CTNND2: variants seen among roughly 807,000 people sequenced by gnomAD.
The protein encoded by CTNND2 is catenin delta-2.
CTNND2 carries 22 observed loss-of-function variants against 144.4 expected under a neutral mutation model. The observed-to-expected ratio is 0.15, with a 90% CI of 0.11 to 0.22. The LOEUF is 0.22. Among genes scored for constraint, CTNND2 ranks in the 10% least tolerant of loss-of-function variants. CTNND2 has a pLI of 1.00. For synonymous variants in CTNND2, 751 were observed against 695.6 expected, an observed-to-expected ratio of 1.08 and a Z score of -1.25; for missense variants, 1,353 against 1,618.8, an observed-to-expected ratio of 0.84 and a Z score of 2.82.
At chr5:11,618,077 AC>A (rs1780662369) in intron 2 of CTNND2, among the ~76,000 whole-genome samples, 1 of 149,806 alleles carries the variant, frequency 6.7e-6, no homozygotes, top group East Asian at 2.0e-4. Context: ...CCTCTACCTA[AC>A]CCTATCAGGC....
intron 1 of CTNND2, among the ~76,000 whole-genome samples, chr5:11,796,881 T>C (rs1007144351): frequency 2.0e-5 from 3 of 152,238 alleles, no homozygotes; most frequent in African/African-American, 7.2e-5. Context: ...GTACTACTTC[T>C]GGTGATAAAA....
chr5:11,823,386 C>T (rs745558741), intron 1 of CTNND2, among the ~76,000 whole-genome samples: 2 of 152,116 alleles, frequency 1.3e-5, no homozygotes, highest in Non-Finnish European at 2.9e-5. Context: ...CAAATTTGTA[C>T]TCAAATATTT....
chr5:11,457,131 G>A (rs1581237288), intron 3 of CTNND2, among the ~76,000 whole-genome samples: 1 of 152,092 alleles, frequency 6.6e-6, no homozygotes, highest in African/African-American at 2.4e-5. Context: ...GTGAGGTGAG[G>A]TGGCTCACGT....
At chr5:11,697,173 G>A (rs1260677321) in intron 2 of CTNND2, among the ~76,000 whole-genome samples, 2 of 152,144 alleles carry the variant, frequency 1.3e-5, no homozygotes, top group African/African-American at 4.8e-5. Context: ...GGTAGATTTT[G>A]GTGTCAGAAT....
At chr5:11,532,899 G>A (rs922633277) in intron 3 of CTNND2, among the ~76,000 whole-genome samples, 2 of 152,214 alleles carry the variant, frequency 1.3e-5, no homozygotes, top group African/African-American at 2.4e-5. Context: ...AAAGAAGGAG[G>A]GAGGTGGGAA....
In CTNND2 at chr5:11,196,425, T is replaced by A. The variant is rs115739798; in HGVS notation, c.1975+3023A>T. 5.2e-3 allele frequency among the ~76,000 whole-genome samples: 792 copies of A among 152,310 alleles called. 10 individuals carry two copies. The highest frequency in any genetic ancestry group is 0.018 in the African/African-American group (745 of 41,560). On this transcript the variant is annotated intron_variant, in intron 11 of 21. Coordinates refer to ENST00000304623, the MANE Select transcript of CTNND2 (RefSeq NM_001332.4). The stretch of plus-strand genomic sequence containing the variant: ...AGGTAGGAAAGTGATCAGAAAAAAC[T>A]CCCCTGTACTGGTGGGGCTCCTGTA...
chr5:11,385,931 A>G (rs1759043979), intron 6 of CTNND2: 1 of 152,116 alleles, frequency 6.6e-6, no homozygotes, highest in Non-Finnish European at 1.5e-5. Context: ...TCCCTTTTCT[A>G]GATTTTAATA....
intron 1 of CTNND2, among the ~76,000 whole-genome samples, chr5:11,792,342 T>C (rs1791180361): frequency 6.6e-6 from 1 of 152,176 alleles, no homozygotes; most frequent in Non-Finnish European, 1.5e-5. Flanking sequence ...AATGTGTACA[T>C]GCCACAAAAA....
chr5:11,490,049 G>T (rs186395832), intron 3 of CTNND2, among the ~76,000 whole-genome samples: 138 of 152,268 alleles, frequency 9.1e-4, no homozygotes, highest in African/African-American at 3.2e-3. Context: ...CTGATAGGTG[G>T]TGCAGGCAAA....
intron 3 of CTNND2, among the ~76,000 whole-genome samples, chr5:11,560,310 A>G (rs1485206246): frequency 2.0e-5 from 3 of 152,146 alleles, no homozygotes; most frequent in African/African-American, 7.2e-5. Flanking sequence ...TGTTGGTCAC[A>G]CTCCTCATAA....
chr5:11,508,374 G>A (rs932880808), intron 3 of CTNND2: 10 of 152,260 alleles, frequency 6.6e-5, no homozygotes, highest in African/African-American at 2.4e-4. Flanking sequence ...CAATTGCCAT[G>A]TTCCCGAGAC....
chr5:11,524,671 C>CCAT lies in CTNND2; in HGVS notation c.287+40270_287+40272dup, dbSNP rs1773057582. On this transcript the variant is annotated intron_variant, in intron 3 of 21. Transcript: ENST00000304623. ...TCCAGGAGTTCCTGTCTAAAAGAGC[C>CCAT]CATCTCTCCTTGTTTTAACAAAGTA... 2.6e-5 allele frequency among the ~76,000 whole-genome samples: 4 copies of CCAT among 152,252 alleles called. No homozygotes were observed. In the South Asian group the frequency reaches 8.3e-4, roughly 32 times the overall value.
rs1357128790 is a variant in CTNND2, at chr5:11,073,803, A to C, written c.2788+8893T>G. Among the ~76,000 whole-genome samples, 6 of 152,222 alleles carry C rather than the reference A, an allele frequency of 3.9e-5. No individual in the cohort carries two copies. In the East Asian group the frequency reaches 9.6e-4, roughly 24 times the overall value. On this transcript the variant is annotated intron_variant, in intron 16 of 21. Transcript: ENST00000304623. ...AAGGTACAGAGCTTGCCTTCTGTCT[A>C]AAATGTGGCTTGTGAAATCAAGTTA...
At chr5:11,690,758 A>C (rs1370814350) in intron 2 of CTNND2, among the ~76,000 whole-genome samples, 1 of 149,900 alleles carries the variant, frequency 6.7e-6, no homozygotes, top group African/African-American at 2.4e-5. Flanking sequence ...AAAAAAAAAA[A>C]AAAAAAAAAA....
At chr5:11,043,493 T>C (rs1382257899) in intron 16 of CTNND2, among the ~76,000 whole-genome samples, 2 of 152,176 alleles carry the variant, frequency 1.3e-5, no homozygotes. Context: ...AGTAACTGTA[T>C]GTTGTAATTG....
intron 3 of CTNND2, among the ~76,000 whole-genome samples, chr5:11,495,112 G>A (rs939560099): frequency 3.3e-5 from 5 of 152,148 alleles, no homozygotes; most frequent in African/African-American, 1.2e-4. Context: ...TTTTGCCACA[G>A]TGTGGCTACT....
At chr5:11,528,339 T>A (rs1773445614) in intron 3 of CTNND2, among the ~76,000 whole-genome samples, 1 of 152,174 alleles carries the variant, frequency 6.6e-6, no homozygotes, top group Admixed American at 6.5e-5. Flanking sequence ...GGTTTTCATT[T>A]GTATACTCAC....
intron 16 of CTNND2, among the ~76,000 whole-genome samples, chr5:11,079,426 G>A (rs1749309527): frequency 6.6e-6 from 1 of 152,192 alleles, no homozygotes; most frequent in African/African-American, 2.4e-5. Flanking sequence ...CTACCAGCCA[G>A]ACCAATGGCC....
At chr5:11,240,875 C>T (rs939871864) in intron 9 of CTNND2, among the ~76,000 whole-genome samples, 1 of 146,940 alleles carries the variant, frequency 6.8e-6, no homozygotes, top group Non-Finnish European at 1.5e-5. Flanking sequence ...CACACACACC[C>T]CAACCCACAC....
Sources: allele counts gnomAD v4.1 joint callset (sites outside exome capture counted in the v4.1 genomes callset), GRCh38; gene constraint gnomAD v4.1.1; transcripts MANE v1.5; gene names NCBI Gene and HGNC (gene_info 2026-07-23, HGNC 2026-07-21).